LRRTM4: variants seen among roughly 807,000 people sequenced by gnomAD.
LRRTM4 encodes the protein leucine rich repeat transmembrane neuronal 4, also known as leucine-rich repeat transmembrane neuronal protein 4.
Under a neutral mutation model 47.6 loss-of-function variants are expected in LRRTM4, and 25 were observed. The observed-to-expected ratio is 0.53, with a 90% CI of 0.38 to 0.73. The LOEUF (loss-of-function observed/expected upper bound fraction) is 0.73. Among genes scored for constraint, LRRTM4 ranks in the 30% least tolerant of loss-of-function variants. The pLI is 0.00. For missense variants in LRRTM4, 638 were observed against 713.4 expected, an observed-to-expected ratio of 0.89 and a Z score of 1.20; for synonymous variants, 311 against 269.5, an observed-to-expected ratio of 1.15 and a Z score of -1.51.
intron 3 of LRRTM4, among the ~76,000 whole-genome samples, chr2:76,784,592 A>G (rs766847564): frequency 1.3e-4 from 20 of 152,104 alleles, no homozygotes; most frequent in African/African-American, 4.6e-4. Context: ...AAAGTATCCT[A>G]TGTAATTTCA....
chr2:77,069,853 A>T (rs1680092436), intron 3 of LRRTM4, among the ~76,000 whole-genome samples: 1 of 152,126 alleles, frequency 6.6e-6, no homozygotes, highest in South Asian at 2.1e-4. Flanking sequence ...CATTTTAGTT[A>T]TTCTTTGCCC....
intron 3 of LRRTM4, among the ~76,000 whole-genome samples, chr2:77,111,867 A>G (rs1421931730): frequency 6.6e-6 from 1 of 152,214 alleles, no homozygotes; most frequent in Non-Finnish European, 1.5e-5. Context: ...GCTAAAATCT[A>G]TGGTAAGAAC....
chr2:77,410,551 AT>A (rs1674378337), intron 3 of LRRTM4, among the ~76,000 whole-genome samples: 1 of 152,182 alleles, frequency 6.6e-6, no homozygotes, highest in Non-Finnish European at 1.5e-5. Flanking sequence ...GATAGATCCT[AT>A]GGGAAAGTAC....
At chr2:77,172,925 G>C (rs993851357) in intron 3 of LRRTM4, among the ~76,000 whole-genome samples, 11 of 152,092 alleles carry the variant, frequency 7.2e-5, no homozygotes. Context: ...CTCAACAAAG[G>C]CTGAGAAGAT....
At chr2:76,774,893 C>T (rs1673895080) in intron 3 of LRRTM4, among the ~76,000 whole-genome samples, 1 of 152,114 alleles carries the variant, frequency 6.6e-6, no homozygotes, top group South Asian at 2.1e-4. Context: ...AATTGAAATC[C>T]TTTTGCCAGA....
chr2:76,935,541 T>C (rs935605038), intron 3 of LRRTM4, among the ~76,000 whole-genome samples: 1 of 152,214 alleles, frequency 6.6e-6, no homozygotes, highest in African/African-American at 2.4e-5. Context: ...CAGTGGTTTG[T>C]AGTTCTCCTT....
chr2:76,992,797 A>T (rs926800809), intron 3 of LRRTM4, among the ~76,000 whole-genome samples: 2 of 150,660 alleles, frequency 1.3e-5, no homozygotes, highest in Admixed American at 6.7e-5. Context: ...ATGGAATAAA[A>T]ATGAACCAAG....
intron 3 of LRRTM4, among the ~76,000 whole-genome samples, chr2:77,141,334 A>G (rs886999896): frequency 1.3e-5 from 2 of 152,176 alleles, no homozygotes; most frequent in East Asian, 3.9e-4. Context: ...ACATGGATGA[A>G]GCTGGAAACC....
intron 3 of LRRTM4, among the ~76,000 whole-genome samples, chr2:77,249,167 T>C (rs1367622878): frequency 1.3e-5 from 2 of 151,934 alleles, no homozygotes; most frequent in African/African-American, 4.8e-5. Context: ...CTGGCCAACA[T>C]GGTGAAACCC....
chr2:77,025,625 A>T (rs535396528), intron 3 of LRRTM4, among the ~76,000 whole-genome samples: 1 of 152,274 alleles, frequency 6.6e-6, no homozygotes, highest in East Asian at 1.9e-4. Flanking sequence ...GTTGTACAAT[A>T]GCTTAGTAAG....
intron 3 of LRRTM4, among the ~76,000 whole-genome samples, chr2:77,290,304 T>C (rs763501878): frequency 7.2e-5 from 11 of 151,886 alleles, no homozygotes; most frequent in Non-Finnish European, 1.3e-4. Flanking sequence ...GAAGTTCTAT[T>C]TGACATATGT....
chr2:76,821,494 G>T (rs1671051878), intron 3 of LRRTM4, among the ~76,000 whole-genome samples: 1 of 151,504 alleles, frequency 6.6e-6, no homozygotes. Flanking sequence ...AACATCACAA[G>T]AAATCTAAAG....
intron 3 of LRRTM4, among the ~76,000 whole-genome samples, chr2:77,079,036 C>T (rs935670512): frequency 6.6e-6 from 1 of 152,144 alleles, no homozygotes; most frequent in Admixed American, 6.5e-5. Flanking sequence ...GCCTCGCGAT[C>T]TAACACTTCC....
chr2:76,814,639 G>T (rs1573157444), intron 3 of LRRTM4, among the ~76,000 whole-genome samples: 1 of 152,162 alleles, frequency 6.6e-6, no homozygotes, highest in East Asian at 1.9e-4. Context: ...GTTTATGAGA[G>T]GAGGGGTGTA....
chr2:76,781,288 G>C (rs1028570497), intron 3 of LRRTM4, among the ~76,000 whole-genome samples: 41 of 152,366 alleles, frequency 2.7e-4, no homozygotes, highest in African/African-American at 9.6e-4. Context: ...CACCCAGTTC[G>C]AGCTTCCTGG....
At chr2:77,331,552 CT>C (rs1243716017) in intron 3 of LRRTM4, among the ~76,000 whole-genome samples, 1 of 152,156 alleles carries the variant, frequency 6.6e-6, no homozygotes, top group African/African-American at 2.4e-5. Flanking sequence ...GGACACATAG[CT>C]TATGAACATA....
chr2:76,914,594 G>A (rs1229685506), intron 3 of LRRTM4, among the ~76,000 whole-genome samples: 1 of 152,114 alleles, frequency 6.6e-6, no homozygotes, highest in East Asian at 1.9e-4. Flanking sequence ...GCTGAGCATT[G>A]TGTTATAAAA....
intron 3 of LRRTM4, among the ~76,000 whole-genome samples, chr2:77,435,072 C>G (rs116075532): frequency 9.5e-4 from 144 of 151,874 alleles, no homozygotes; most frequent in African/African-American, 3.4e-3. Context: ...GCCTAGCCTC[C>G]CTCTGCCCAC....
At chr2:76,953,498 C>T (rs2103892494) in intron 3 of LRRTM4, among the ~76,000 whole-genome samples, 1 of 151,932 alleles carries the variant, frequency 6.6e-6, no homozygotes, top group Non-Finnish European at 1.5e-5. Flanking sequence ...ATTACGTTCT[C>T]TTGTGAGGGA....
Sources: gnomAD v4.1 joint callset for allele counts (sites outside exome capture counted in the v4.1 genomes callset) on GRCh38, gnomAD v4.1.1 for gene constraint, MANE v1.5 for transcripts, NCBI Gene and HGNC (gene_info 2026-07-23, HGNC 2026-07-21) for gene names.